Variants in PDIA6 observed in about 807,000 individuals in gnomAD.
The protein encoded by PDIA6 is protein disulfide isomerase family A member 6.
Under a neutral mutation model 58.4 loss-of-function variants are expected in PDIA6, and 29 were observed. The observed-to-expected ratio is 0.50, with a 90% CI of 0.37 to 0.68. The LOEUF (loss-of-function observed/expected upper bound fraction) is 0.68. Among genes scored for constraint, PDIA6 ranks in the 30% least tolerant of loss-of-function variants. The pLI, the probability that PDIA6 is intolerant of heterozygous loss-of-function variation, is 0.00. For synonymous variants in PDIA6, 192 were observed against 202.6 expected (o/e 0.95, Z 0.44); for missense variants, 480 against 551.0 (o/e 0.87, Z 1.29).
intron 1 of PDIA6, among the ~76,000 whole-genome samples, chr2:10,804,311 C>T (rs1483315875): frequency 6.8e-6 from 1 of 147,460 alleles, no homozygotes; most frequent in East Asian, 2.0e-4. Context: ...TTAGGTCTAA[C>T]GTTTAAGTCT....
upstream of PDIA6, among the ~76,000 whole-genome samples, chr2:10,817,187 C>T (rs1667223234): frequency 6.6e-6 from 1 of 152,216 alleles, no homozygotes; most frequent in Admixed American, 6.5e-5. Context: ...TATTAAAAGG[C>T]TAACCTTGAT....
intron 1 of PDIA6, among the ~76,000 whole-genome samples, chr2:10,828,780 G>A (rs1452592960): frequency 6.6e-6 from 1 of 152,352 alleles, no homozygotes; most frequent in Non-Finnish European, 1.5e-5. Context: ...TGCTTTGGAG[G>A]GGGCACAAAG....
At chr2:10,791,317 TG>T (rs1666025918) in intron 6 of PDIA6, among the ~76,000 whole-genome samples, 1 of 151,962 alleles carries the variant, frequency 6.6e-6, no homozygotes, top group Non-Finnish European at 1.5e-5. Context: ...CCAATTTTTT[TG>T]TATTTTTAGT....
chr2:10,803,915 T>G (rs888943395), intron 1 of PDIA6, among the ~76,000 whole-genome samples: 4 of 143,734 alleles, frequency 2.8e-5, no homozygotes, highest in African/African-American at 5.0e-5. Flanking sequence ...TTTTGTGTTT[T>G]TTTTTTTTTT....
At chr2:10,809,053 C>A (rs187887769) in intron 1 of PDIA6, among the ~76,000 whole-genome samples, 1,698 of 152,252 alleles carry the variant, frequency 0.011, 36 homozygotes, top group African/African-American at 0.038. Flanking sequence ...AGGTGATCCG[C>A]CCACCTTGGC....
At chr2:10,833,359 C>T (rs975967509), upstream of PDIA6, among the ~76,000 whole-genome samples, 1 of 152,238 alleles carries the variant, frequency 6.6e-6, no homozygotes, top group East Asian at 1.9e-4. Flanking sequence ...ATTTCCCGAT[C>T]AGCAGGCCTG....
In PDIA6 at chr2:10,802,491, ATACT is replaced by A. The variant is rs1572675411; in HGVS notation, c.161+4_161+7del. 7.4e-7 allele frequency: 1 copy of A among 1,346,644 alleles called. No homozygotes were observed. Among genetic ancestry groups the A allele is most frequent in the Non-Finnish European group, 9.7e-7 (1 of 1,034,358 alleles). The allele number at this position is 1,346,644 out of a possible 1,614,324, so 83.4% of individuals were successfully genotyped here. On this transcript the variant is annotated splice_donor_5th_base_variant and intron_variant, in intron 2 of 12. Transcript: ENST00000272227. ...ATAAATAATCTACAACTATTTTATA[ATACT>A]TACCATGGAGCATAGAATTCTACAA...
At chr2:10,802,458 A>T (rs773128739) in intron 2 of PDIA6, 41 bp downstream of exon 2, 2 of 1,214,608 alleles carry the variant, frequency 1.6e-6, no homozygotes, top group African/African-American at 3.1e-5. Context: ...CCAATTTCAG[A>T]AAGTACTATA....
rs139489119 is a variant in PDIA6, at chr2:10,804,001, C to T, written c.20-1361G>A. Among the ~76,000 whole-genome samples the T allele has an allele frequency of 3.8e-3, 566 of 149,400 alleles. 5 individuals carry two copies. The highest frequency in any genetic ancestry group is 0.013 in the African/African-American group (544 of 41,076). On this transcript the variant is annotated intron_variant, in intron 1 of 12. Transcript: ENST00000272227. ...TCGGCTCACTGCAAGCTCTGCCACC[C>T]GGGTTCACGCCATTCTCCTGCCTCA...
chr2:10,819,463 A>T, intron 1 of PDIA6: 3 of 674,548 alleles, frequency 4.4e-6, no homozygotes, highest in Non-Finnish European at 7.6e-6. Context: ...ACCTGCTAAA[A>T]CTGCTTTTGT....
At chr2:10,785,337 A>G (rs1241537200) in intron 11 of PDIA6, among the ~76,000 whole-genome samples, 1 of 152,246 alleles carries the variant, frequency 6.6e-6, no homozygotes, top group African/African-American at 2.4e-5. Context: ...AATAATTATC[A>G]AAGTTGATCT....
chr2:10,800,246 A>T (rs1666445736), intron 2 of PDIA6, among the ~76,000 whole-genome samples: 1 of 152,244 alleles, frequency 6.6e-6, no homozygotes, highest in Non-Finnish European at 1.5e-5. Flanking sequence ...CTAAAAACCC[A>T]CAACCTGAAA....
chr2:10,785,574 GAAT>G (rs762877512), intron 11 of PDIA6, among the ~76,000 whole-genome samples: 29 of 152,192 alleles, frequency 1.9e-4, no homozygotes, highest in Admixed American at 3.3e-4. Flanking sequence ...ACAACTCATA[GAAT>G]AATAGAGCTA....
At chr2:10,786,038 C>G (rs998499719) in intron 11 of PDIA6, among the ~76,000 whole-genome samples, 1 of 152,050 alleles carries the variant, frequency 6.6e-6, no homozygotes, top group Non-Finnish European at 1.5e-5. Context: ...AAAACACCCC[C>G]TTGGCCAGGC....
chr2:10,810,627 G>A (rs1666965519), intron 1 of PDIA6, among the ~76,000 whole-genome samples: 2 of 152,188 alleles, frequency 1.3e-5, no homozygotes, highest in African/African-American at 4.8e-5. Context: ...TGAAAATGCT[G>A]TGTTGATTAA....
At chr2:10,814,688 C>A (rs534706870), upstream of PDIA6, among the ~76,000 whole-genome samples, 27 of 152,308 alleles carry the variant, frequency 1.8e-4, no homozygotes, top group African/African-American at 6.3e-4. Flanking sequence ...AATTCTCTTA[C>A]CAGAAGAGGG....
chr2:10,820,958 G>C, intron 1 of PDIA6: 2 of 673,950 alleles, frequency 3.0e-6, no homozygotes, highest in Non-Finnish European at 5.5e-6. Flanking sequence ...TCAGGACCTG[G>C]GTTTGGAAAC....
At chr2:10,816,001 C>T (rs889853571), upstream of PDIA6, among the ~76,000 whole-genome samples, 1 of 151,868 alleles carries the variant, frequency 6.6e-6, no homozygotes, top group African/African-American at 2.4e-5. Flanking sequence ...GTCCCCAGCC[C>T]TGGTCACCTC....
chr2:10,801,551 C>T (rs9287723), intron 2 of PDIA6, among the ~76,000 whole-genome samples: 12,502 of 152,200 alleles, frequency 0.082, 1,745 homozygotes, highest in African/African-American at 0.29. Context: ...TTGAGCTAAT[C>T]CACACAGAAT....
Sources: allele counts gnomAD v4.1 joint callset (sites outside exome capture counted in the v4.1 genomes callset), GRCh38; gene constraint gnomAD v4.1.1; transcripts MANE v1.5; gene names NCBI Gene and HGNC (gene_info 2026-07-23, HGNC 2026-07-21).